PERP: variants seen among roughly 807,000 people sequenced by gnomAD.
PERP encodes the protein p53 apoptosis effector related to PMP-22.
A neutral mutation model predicts 20.3 loss-of-function variants in PERP; 11 were observed. The observed-to-expected ratio is 0.54, with a 90% CI of 0.34 to 0.90. The LOEUF is 0.90. Ranked by LOEUF, PERP falls within the 40% of genes least tolerant of loss-of-function variation. The probability of loss-of-function intolerance (pLI) is 0.02; values close to 1 mark genes in which losing one functional copy is unlikely to be tolerated. For synonymous variants in PERP, 101 were observed against 102.0 expected, an observed-to-expected ratio of 0.99 and a Z score of 0.06; for missense variants, 224 against 249.4, an observed-to-expected ratio of 0.90 and a Z score of 0.69.
At position 138,091,971 on chromosome 6, in the gene PERP, C is replaced by T. The variant is rs547137678; in HGVS notation, c.*71G>A. 5 of 1,447,700 alleles carry T rather than the reference C, an allele frequency of 3.5e-6. No individual in the cohort carries two copies. The Admixed American group carries it at 1.0e-4, about 30-fold the overall frequency. 89.7% of individuals were successfully genotyped at this position (1,447,700 alleles called of 1,614,324 possible). ...CTGCCAAAAAATGGGTTCAAAGTCG[C>T]CTGGAGAAACAGTTTCTTCTTCTGG... On this transcript the variant is annotated 3_prime_UTR_variant, in exon 3 of 3. Coordinates refer to ENST00000421351, the MANE Select transcript of PERP (RefSeq NM_022121.5).
intron 1 of PERP, among the ~76,000 whole-genome samples, chr6:138,100,017 T>A (rs1171536140): frequency 1.3e-5 from 2 of 152,212 alleles, no homozygotes; most frequent in African/African-American, 4.8e-5. Context: ...AACACCCACA[T>A]TGAATCACTT....
Position 138,096,512 on chromosome 6 carries a change from ACAG to A in PERP, c.215-21_215-19del. 6.3e-7 allele frequency: 1 copy of A among 1,599,364 alleles called. No individual in the cohort carries two copies. The highest frequency in any genetic ancestry group is 1.1e-5 in the South Asian group (1 of 88,492). Reference sequence around the variant, plus strand: ...ACCCCACGCTGCAAGAAAAAAAGAAACAGCAATTAACAAGACAGACATACCAAG... The same window carrying A: ...ACCCCACGCTGCAAGAAAAAAAGAAACAATTAACAAGACAGACATACCAAG... On this transcript the variant is annotated intron_variant, in intron 1 of 2. Coordinates refer to ENST00000421351, the MANE Select transcript of PERP (RefSeq NM_022121.5).
chr6:138,094,925 T>C (rs982225691), intron 2 of PERP, among the ~76,000 whole-genome samples: 2 of 152,134 alleles, frequency 1.3e-5, no homozygotes, highest in African/African-American at 4.8e-5. Context: ...TTCACCATGT[T>C]GGCCAGGCTG....
chr6:138,091,941 G>T lies in PERP; in HGVS notation c.*101C>A. 9.6e-7 allele frequency: 1 copy of T among 1,042,830 alleles called. No individual in the cohort carries two copies. Among genetic ancestry groups the T allele is most frequent in the Non-Finnish European group, 1.4e-6 (1 of 720,582 alleles). 64.6% of individuals were successfully genotyped at this position (1,042,830 alleles called of 1,614,324 possible). A position where few individuals can be genotyped will look rare whatever the true frequency, so the allele number is the denominator to read the frequency against. ...GCATTTTTGACTAGTTTAATAATAT[G>T]AACACTGCCAAAAAATGGGTTCAAA... On this transcript the variant is annotated 3_prime_UTR_variant, in exon 3 of 3. Transcript: ENST00000421351.
intron 1 of PERP, among the ~76,000 whole-genome samples, chr6:138,106,915 T>A (rs78475615): frequency 6.6e-6 from 1 of 151,714 alleles, no homozygotes; most frequent in Non-Finnish European, 1.5e-5. Flanking sequence ...TTTTTTTTTT[T>A]CTGTTTCTGA....
chr6:138,095,000 C>A (rs1218474880), intron 2 of PERP, among the ~76,000 whole-genome samples: 1 of 152,210 alleles, frequency 6.6e-6, no homozygotes, highest in Non-Finnish European at 1.5e-5. Flanking sequence ...GGATTATAGG[C>A]ATGAGCCACC....
At chr6:138,093,311 AT>A (rs1419100105) in intron 2 of PERP, among the ~76,000 whole-genome samples, 1 of 151,666 alleles carries the variant, frequency 6.6e-6, no homozygotes, top group African/African-American at 2.4e-5. Context: ...CCTCACCACC[AT>A]TTTTTCTACC....
At chr6:138,103,105 A>AAC (rs1345161140) in intron 1 of PERP, among the ~76,000 whole-genome samples, 1 of 151,276 alleles carries the variant, frequency 6.6e-6, no homozygotes. Context: ...TCTCAAAAAA[A>AAC]AAAGAGTAAT....
chr6:138,092,237 G>T lies in PERP; in HGVS notation c.387C>A (p.Tyr129Ter). 1 of 1,614,000 alleles carries T rather than the reference G, an allele frequency of 6.2e-7. No homozygotes were observed. The highest frequency in any genetic ancestry group is 2.2e-5 in the East Asian group (1 of 44,892). Residue 129 changes from tyrosine (Y) to a stop codon, truncating the protein, a stop_gained, in exon 3 of 3, where the codon TAC becomes TAA. Coordinates refer to ENST00000421351, the MANE Select transcript of PERP (RefSeq NM_022121.5). LOFTEE classifies it high-confidence loss of function. Reference sequence around the variant, plus strand: ...TGAAGGTCTGGGTGTACTTCACGGGGTAAATTACCAGGGAGATGATCTGGA... The same window carrying T: ...TGAAGGTCTGGGTGTACTTCACGGGTTAAATTACCAGGGAGATGATCTGGA... The part of the protein sequence containing the change: ...AVFQIISLVI[Y>*]PVKYTQTFTL...
intron 1 of PERP, among the ~76,000 whole-genome samples, chr6:138,105,822 G>A (rs140327863): frequency 2.4e-4 from 37 of 152,274 alleles, no homozygotes; most frequent in African/African-American, 6.3e-4. Context: ...CAATTAATTC[G>A]CTTTAAAAAC....
At chr6:138,100,926 G>GA (rs1775761485) in intron 1 of PERP, among the ~76,000 whole-genome samples, 1 of 152,146 alleles carries the variant, frequency 6.6e-6, no homozygotes, top group Non-Finnish European at 1.5e-5. Flanking sequence ...ACAAAACTGA[G>GA]TTTTTCCTAG....
chr6:138,096,202 C>T, intron 2 of PERP, 152 bp downstream of exon 2: 3 of 1,010,308 alleles, frequency 3.0e-6, no homozygotes, highest in Non-Finnish European at 4.3e-6. Context: ...TCTTAAAACA[C>T]ATCTCTCCTC....
chr6:138,099,208 G>T (rs1411249145), intron 1 of PERP, among the ~76,000 whole-genome samples: 1 of 152,114 alleles, frequency 6.6e-6, no homozygotes. Context: ...TGTTATTAGT[G>T]TTTCTTATAT....
chr6:138,088,818 A>G lies in PERP; in HGVS notation c.*3224T>C, dbSNP rs2114322474. 1 of 152,348 alleles carries G rather than the reference A, an allele frequency of 6.6e-6. No individual in the cohort carries two copies. Among genetic ancestry groups the G allele is most frequent in the African/African-American group, 2.4e-5 (1 of 41,594 alleles). The allele number at this position is 152,348 out of a possible 1,614,324, so 9.4% of individuals were successfully genotyped here. On this transcript the variant is annotated 3_prime_UTR_variant, in exon 3 of 3. Coordinates refer to ENST00000421351, the MANE Select transcript of PERP (RefSeq NM_022121.5). ...CATCGACTGATGGGGTTGCAAGCCC[A>G]GCCTGTCTGCAGGAATTTTTAAATC...
chr6:138,098,836 C>T (rs893181450), intron 1 of PERP, among the ~76,000 whole-genome samples: 2 of 152,178 alleles, frequency 1.3e-5, no homozygotes, highest in Admixed American at 6.5e-5. Flanking sequence ...TAGTTTTATA[C>T]GGACAATTTT....
Position 138,107,305 on chromosome 6 carries a change from G to A in PERP, c.36C>T (p.Arg12=). The part of the protein sequence containing the change: ...IRCGLACERC[R]WILPLLLLSA... ...TGAGTAGGAGCAGGGGCAGGATCCA[G>A]CGGCAGCGCTCGCAGGCCAGGCCGC... The change falls in exon 1 of 3, where the codon CGC becomes CGT. Residue 12 remains arginine (R), a synonymous_variant. Transcript: ENST00000421351. The surrounding 1 kb of genome is among the most constrained non-coding windows in gnomAD (Gnocchi z 4.8). The A allele has an allele frequency of 1.2e-6, 2 of 1,605,678 alleles. No homozygotes were observed. Among genetic ancestry groups the A allele is most frequent in the South Asian group, 1.1e-5 (1 of 90,624 alleles).
At chr6:138,097,085 C>T (rs1293794147) in intron 1 of PERP, among the ~76,000 whole-genome samples, 5 of 152,210 alleles carry the variant, frequency 3.3e-5, no homozygotes, top group South Asian at 4.1e-4. Context: ...GATCTTATAA[C>T]AAGCTTGGGA....
intron 1 of PERP, 86 bp from the exon 2 acceptor site, chr6:138,096,580 CT>C: frequency 1.5e-5 from 21 of 1,404,206 alleles, no homozygotes; most frequent in Non-Finnish European, 1.9e-5. Flanking sequence ...TGGTTTTGGG[CT>C]TTTTTTCCCT....
intron 1 of PERP, among the ~76,000 whole-genome samples, chr6:138,097,661 A>G (rs1451228008): frequency 1.3e-5 from 2 of 152,172 alleles, no homozygotes; most frequent in East Asian, 3.8e-4. Context: ...GAGTTCAAAT[A>G]ACCTGCCCAT....
Sources: allele counts gnomAD v4.1 joint callset (sites outside exome capture counted in the v4.1 genomes callset), GRCh38; gene constraint gnomAD v4.1.1; non-coding constraint Gnocchi (gnomAD v3.1); transcripts MANE v1.5; gene names NCBI Gene and HGNC (gene_info 2026-07-23, HGNC 2026-07-21).